KIAA1328: variants seen among roughly 807,000 people sequenced by gnomAD.
The protein encoded by KIAA1328 is KIAA1328.
A neutral mutation model predicts 68.1 loss-of-function variants in KIAA1328; 52 were observed. That is an observed-to-expected ratio of 0.76 (90% confidence interval 0.61 to 0.96). The LOEUF (loss-of-function observed/expected upper bound fraction) is 0.96, where lower values mean the gene tolerates loss of function less well. Among genes scored for constraint, KIAA1328 ranks in the 40% least tolerant of loss-of-function variants. KIAA1328 has a pLI of 0.00. For missense variants in KIAA1328, 641 were observed against 677.6 expected (o/e 0.95, Z 0.60); for synonymous variants, 232 against 239.4 (o/e 0.97, Z 0.28).
intron 9 of KIAA1328, among the ~76,000 whole-genome samples, chr18:37,209,384 T>C (rs1369216678): frequency 6.6e-6 from 1 of 151,974 alleles, no homozygotes; most frequent in Non-Finnish European, 1.5e-5. Flanking sequence ...TGCATGGAGA[T>C]AACAGCAATA....
At chr18:36,997,406 A>G (rs1313936320) in intron 6 of KIAA1328, among the ~76,000 whole-genome samples, 1 of 152,270 alleles carries the variant, frequency 6.6e-6, no homozygotes, top group East Asian at 1.9e-4. Context: ...CAACACAGGG[A>G]AAGGGTGAGT....
intron 6 of KIAA1328, among the ~76,000 whole-genome samples, chr18:37,020,218 C>T (rs1456483710): frequency 1.4e-4 from 22 of 152,190 alleles, no homozygotes; most frequent in Admixed American, 5.2e-4. Flanking sequence ...CTGCCTCCCG[C>T]GTTGAGCGAT....
At chr18:37,127,891 G>A (rs1242783945) in intron 7 of KIAA1328, among the ~76,000 whole-genome samples, 1 of 152,010 alleles carries the variant, frequency 6.6e-6, no homozygotes, top group East Asian at 1.9e-4. Flanking sequence ...CAGAATGGGA[G>A]TTTCAGAAAT....
intron 5 of KIAA1328, among the ~76,000 whole-genome samples, chr18:36,895,375 C>T (rs534718431): frequency 5.9e-5 from 9 of 152,030 alleles, no homozygotes; most frequent in African/African-American, 1.7e-4. Flanking sequence ...GTGAAGGCCA[C>T]GAGGAAAAGG....
At chr18:36,839,635 A>G (rs1177577854) in intron 3 of KIAA1328, among the ~76,000 whole-genome samples, 1 of 152,156 alleles carries the variant, frequency 6.6e-6, no homozygotes, top group African/African-American at 2.4e-5. Context: ...ATGTCACAAG[A>G]CAGTATGCAT....
At chr18:37,119,845 C>T (rs1173441262) in intron 7 of KIAA1328, among the ~76,000 whole-genome samples, 1 of 152,114 alleles carries the variant, frequency 6.6e-6, no homozygotes, top group Non-Finnish European at 1.5e-5. Context: ...AGCAGTCATA[C>T]CCAGTTGCAG....
At chr18:37,074,413 G>A (rs900924690) in intron 7 of KIAA1328, among the ~76,000 whole-genome samples, 1 of 152,268 alleles carries the variant, frequency 6.6e-6, no homozygotes, top group East Asian at 1.9e-4. Context: ...ATTTCTCCCT[G>A]TCACTTTCAG....
intron 7 of KIAA1328, among the ~76,000 whole-genome samples, chr18:37,113,172 T>C (rs1348803938): frequency 1.3e-5 from 2 of 151,610 alleles, no homozygotes; most frequent in Non-Finnish European, 2.9e-5. Context: ...CACAAAGATA[T>C]CCTCGAGAAG....
intron 6 of KIAA1328, among the ~76,000 whole-genome samples, chr18:37,060,652 TA>T (rs530421877): frequency 7.3e-5 from 11 of 150,850 alleles, no homozygotes; most frequent in Admixed American, 2.0e-4. Context: ...TGCATATATC[TA>T]AAAAAAAAGA....
chr18:37,059,847 T>A (rs1336952830), intron 6 of KIAA1328, among the ~76,000 whole-genome samples: 6 of 152,262 alleles, frequency 3.9e-5, no homozygotes, highest in Middle Eastern at 6.8e-3. Context: ...CACCATGGAA[T>A]ACTATACAGC....
chr18:36,903,417 T>A (rs1168368633), intron 5 of KIAA1328, among the ~76,000 whole-genome samples: 1 of 152,098 alleles, frequency 6.6e-6, no homozygotes, highest in Admixed American at 6.6e-5. Context: ...CTCTGCTCAG[T>A]TTTGTGGTTA....
chr18:37,114,650 A>G (rs1040867970), intron 7 of KIAA1328, among the ~76,000 whole-genome samples: 6 of 152,226 alleles, frequency 3.9e-5, no homozygotes, highest in Admixed American at 3.9e-4. Flanking sequence ...GGCAAGAAAT[A>G]ACTAAGATCA....
At chr18:37,086,497 C>A (rs1374897826) in intron 7 of KIAA1328, among the ~76,000 whole-genome samples, 1 of 152,136 alleles carries the variant, frequency 6.6e-6, no homozygotes, top group East Asian at 1.9e-4. Context: ...TGGAAATTTT[C>A]TCTTTTTTAT....
At chr18:37,042,427 T>C (rs983390641) in intron 6 of KIAA1328, among the ~76,000 whole-genome samples, 3 of 152,332 alleles carry the variant, frequency 2.0e-5, no homozygotes, top group Admixed American at 1.3e-4. Flanking sequence ...CTTTCAGTCT[T>C]TTTGTCATTG....
intron 7 of KIAA1328, among the ~76,000 whole-genome samples, chr18:37,072,537 T>A (rs2056572234): frequency 6.6e-6 from 1 of 152,210 alleles, no homozygotes; most frequent in African/African-American, 2.4e-5. Context: ...TTTGCCAAAT[T>A]TAGGAAGTTT....
intron 5 of KIAA1328, among the ~76,000 whole-genome samples, chr18:36,941,098 A>G (rs1309428679): frequency 1.3e-5 from 2 of 152,202 alleles, no homozygotes; most frequent in Non-Finnish European, 2.9e-5. Context: ...GCTTCTGGAA[A>G]GATCTTGGTT....
chr18:37,010,168 G>A (rs1038279234), intron 6 of KIAA1328, among the ~76,000 whole-genome samples: 3 of 152,002 alleles, frequency 2.0e-5, no homozygotes, highest in African/African-American at 7.3e-5. Context: ...CTTAAGGCTG[G>A]GCACAATGGC....
chr18:37,157,539 G>A (rs955629025), intron 7 of KIAA1328, among the ~76,000 whole-genome samples: 4 of 152,012 alleles, frequency 2.6e-5, no homozygotes, highest in African/African-American at 9.7e-5. Context: ...CTAGCCAAGT[G>A]TGGTGGCTCA....
intron 1 of KIAA1328, 52 bp downstream of exon 1, chr18:36,829,248 AGG>A: frequency 6.8e-7 from 1 of 1,465,984 alleles, no homozygotes; most frequent in South Asian, 1.3e-5. Context: ...CGGGACGGCG[AGG>A]GGCGAGCCGT....
Sources: gnomAD v4.1 joint callset for allele counts (sites outside exome capture counted in the v4.1 genomes callset) on GRCh38, gnomAD v4.1.1 for gene constraint, MANE v1.5 for transcripts, NCBI Gene and HGNC (gene_info 2026-07-23, HGNC 2026-07-21) for gene names.